The following ANKRD28 variants were observed in gnomAD, a reference collection of about 807,000 sequenced individuals.
ANKRD28 encodes ankyrin repeat domain 28, also known as serine/threonine-protein phosphatase 6 regulatory ankyrin repeat subunit A.
ANKRD28 carries 44 observed loss-of-function variants against 126.5 expected under a neutral mutation model. The observed-to-expected ratio is 0.35, with a 90% CI of 0.27 to 0.45. The LOEUF (loss-of-function observed/expected upper bound fraction) is 0.45, where lower values mean the gene tolerates loss of function less well. Ranked by LOEUF, ANKRD28 falls within the 20% of genes least tolerant of loss-of-function variation. ANKRD28 has a pLI of 1.00. For missense variants in ANKRD28, 1,110 were observed against 1,316.6 expected (o/e 0.84, Z 2.43); for synonymous variants, 442 against 468.5 (o/e 0.94, Z 0.73).
At chr3:15,696,770 T>G (rs567962009) in intron 14 of ANKRD28, among the ~76,000 whole-genome samples, 61 of 152,280 alleles carry the variant, frequency 4.0e-4, no homozygotes, top group African/African-American at 1.5e-3. Context: ...AGTAAAGTGG[T>G]AAGAAGGTAT....
chr3:15,674,565 G>C (rs1376016774), intron 27 of ANKRD28, among the ~76,000 whole-genome samples: 1 of 152,188 alleles, frequency 6.6e-6, no homozygotes, highest in African/African-American at 2.4e-5. Flanking sequence ...TGGATATATA[G>C]AGACTGTGAG....
chr3:15,821,791 A>G (rs2060946535), intron 1 of ANKRD28, among the ~76,000 whole-genome samples: 1 of 152,180 alleles, frequency 6.6e-6, no homozygotes, highest in South Asian at 2.1e-4. Flanking sequence ...GGTACCAGAT[A>G]AACTAATATG....
intron 4 of ANKRD28, among the ~76,000 whole-genome samples, chr3:15,744,706 A>T (rs2057361730): frequency 6.6e-6 from 1 of 152,054 alleles, no homozygotes; most frequent in African/African-American, 2.4e-5. Flanking sequence ...TGCTATAAAC[A>T]TGTGTGTACC....
chr3:15,842,972 G>GA (rs2061454994), intron 1 of ANKRD28, among the ~76,000 whole-genome samples: 1 of 152,198 alleles, frequency 6.6e-6, no homozygotes, highest in Non-Finnish European at 1.5e-5. Context: ...ATTATGTAAT[G>GA]AGTGTTGCTT....
In ANKRD28 at chr3:15,743,580, A is replaced by ACACACACACG. The variant is rs1553616159; in HGVS notation, c.352-6348_352-6347insCGTGTGTGTG. Among the ~76,000 whole-genome samples the ACACACACACG allele has an allele frequency of 6.5e-3, 984 of 150,566 alleles. 14 individuals carry two copies. Among genetic ancestry groups the ACACACACACG allele is most frequent in the African/African-American group, 0.022 (895 of 40,388 alleles). On this transcript the variant is annotated intron_variant, in intron 4 of 27. Transcript: ENST00000683139. ...CACACACACACACACACACACACAC[A>ACACACACACG]CACACACACACACGCACACCAAAAA... is the stretch of plus-strand genomic sequence containing the variant.
intron 1 of ANKRD28, among the ~76,000 whole-genome samples, chr3:15,824,216 G>A (rs1021545445): frequency 6.6e-6 from 1 of 152,108 alleles, no homozygotes; most frequent in South Asian, 2.1e-4. Flanking sequence ...TCATGCAGGC[G>A]CCATCTCAGC....
At position 15,724,405 on chromosome 3, in the gene ANKRD28, A is replaced by C; in HGVS notation, c.760T>G (p.Tyr254Asp). 1 of 1,607,170 alleles carries C rather than the reference A, an allele frequency of 6.2e-7. No individual in the cohort carries two copies. Among genetic ancestry groups the C allele is most frequent in the Non-Finnish European group, 8.5e-7 (1 of 1,176,422 alleles). The change falls in exon 7 of 28, where the codon TAC becomes GAC. Residue 254 changes from tyrosine to aspartate, a missense_variant. By Grantham distance (160) the Tyr-to-Asp change is radical. Transcript: ENST00000683139. ...ASSGMISVVK[Y>D]LLDLGVDMNE... Reference sequence around the variant, plus strand: ...ACATCAACTCCAAGATCTAGAAGGTACTTGACTACGCTGATCATTCCACTA... The same window carrying C: ...ACATCAACTCCAAGATCTAGAAGGTCCTTGACTACGCTGATCATTCCACTA...
chr3:15,814,180 A>T lies in ANKRD28; in HGVS notation c.28-18874T>A. ...TTACAAGGAGGCTTAAACAGCAACA[A>T]ACTAACAAATTACAAGAGCTGCCTA... On this transcript the variant is annotated intron_variant, in intron 1 of 27. Coordinates refer to the ANKRD28 transcript ENST00000399451. This position sits in a 1 kb window ranked among gnomAD's most constrained non-coding sequence, Gnocchi z 4.7. 1.0e-6 allele frequency: 1 copy of T among 974,766 alleles called. No homozygotes were observed. The highest frequency in any genetic ancestry group is 1.3e-6 in the Non-Finnish European group (1 of 763,696). 60.4% of individuals were successfully genotyped at this position (974,766 alleles called of 1,614,324 possible).
intron 3 of ANKRD28, among the ~76,000 whole-genome samples, chr3:15,759,983 C>A (rs1229915696): frequency 1.3e-5 from 2 of 152,088 alleles, no homozygotes; most frequent in East Asian, 3.8e-4. Context: ...AAAAAAGAGA[C>A]CAAGAAGGCA....
At position 15,707,941 on chromosome 3, in the gene ANKRD28, T is replaced by C. The variant is rs751803087; in HGVS notation, c.1530A>G (p.Thr510=). 1.2e-6 allele frequency: 2 copies of C among 1,613,326 alleles called. No homozygotes were observed. Among genetic ancestry groups the C allele is most frequent in the Middle Eastern group, 1.7e-4 (1 of 6,054 alleles). The change falls in exon 14 of 28, where the codon ACA becomes ACG. Residue 510 remains threonine (T), a synonymous_variant. Transcript: ENST00000683139. ...GTACTTACTTGCCATCTGTGTCTGA[T>C]GTAGCTGCATAGTGCAGGGGTGTGC... ...RGCTPLHYAA[T]SDTDGKCLEY...
intron 4 of ANKRD28, among the ~76,000 whole-genome samples, chr3:15,737,551 A>AAAAC (rs1242258873): frequency 6.6e-6 from 1 of 152,244 alleles, no homozygotes; most frequent in South Asian, 2.1e-4. Flanking sequence ...CGTAACTTCA[A>AAAAC]ATTCCTTGGC....
intron 1 of ANKRD28, among the ~76,000 whole-genome samples, chr3:15,836,439 G>A (rs964279835): frequency 6.6e-6 from 1 of 151,926 alleles, no homozygotes; most frequent in African/African-American, 2.4e-5. Flanking sequence ...GACATGAGAT[G>A]TATAGAAAAC....
At chr3:15,705,445 C>T (rs932233579) in intron 14 of ANKRD28, among the ~76,000 whole-genome samples, 1 of 152,156 alleles carries the variant, frequency 6.6e-6, no homozygotes, top group African/African-American at 2.4e-5. Flanking sequence ...CTGGATCATG[C>T]TGAGCTGTAC....
At chr3:15,715,992 CTCT>C (rs1373788438) in intron 8 of ANKRD28, among the ~76,000 whole-genome samples, 1 of 150,086 alleles carries the variant, frequency 6.7e-6, no homozygotes, top group African/African-American at 2.4e-5. Context: ...TTTTTTTTCT[CTCT>C]TTTTTTTTTT....
intron 2 of ANKRD28, among the ~76,000 whole-genome samples, chr3:15,772,191 A>G (rs1048654482): frequency 1.3e-5 from 2 of 152,152 alleles, no homozygotes; most frequent in Non-Finnish European, 2.9e-5. Context: ...CCAGCAAAAA[A>G]AGCAGAAGGA....
At chr3:15,851,649 T>C (rs2061654518) in intron 1 of ANKRD28, among the ~76,000 whole-genome samples, 1 of 151,028 alleles carries the variant, frequency 6.6e-6, no homozygotes, top group Non-Finnish European at 1.5e-5. Flanking sequence ...CAATAACGAG[T>C]AGTATTGAGG....
chr3:15,793,024 A>G (rs994920095), intron 2 of ANKRD28, among the ~76,000 whole-genome samples: 1 of 152,190 alleles, frequency 6.6e-6, no homozygotes, highest in Admixed American at 6.5e-5. Context: ...ACTTATATCC[A>G]TTCTAAAAAT....
chr3:15,834,381 G>T (rs1271928874), intron 1 of ANKRD28, among the ~76,000 whole-genome samples: 1 of 152,012 alleles, frequency 6.6e-6, no homozygotes, highest in African/African-American at 2.4e-5. Context: ...CTTTATTTCT[G>T]GGTTCCCTAT....
At position 15,730,776 on chromosome 3, in the gene ANKRD28, T is replaced by C. The variant is rs574310000; in HGVS notation, c.640+4634A>G. ...TGCCTAGTTATGCTCATAAATTAAA[T>C]GGGCAGTGCTATATGGTACTATGGT... is the stretch of plus-strand genomic sequence containing the variant. On this transcript the variant is annotated intron_variant, in intron 6 of 27. Transcript: ENST00000683139. 8.5e-5 allele frequency among the ~76,000 whole-genome samples: 13 copies of C among 152,328 alleles called. No homozygotes were observed. The East Asian group carries it at 9.6e-4, about 11-fold the overall frequency.
Sources: allele counts gnomAD v4.1 joint callset (sites outside exome capture counted in the v4.1 genomes callset), GRCh38; gene constraint gnomAD v4.1.1; non-coding constraint Gnocchi (gnomAD v3.1); transcripts MANE v1.5; gene names NCBI Gene and HGNC (gene_info 2026-07-23, HGNC 2026-07-21).